CCN6: variants seen among roughly 807,000 people sequenced by gnomAD.
CCN6 encodes the protein CCN family member 6.
In CCN6, 31 loss-of-function variants were observed where a neutral mutation model predicts 37.4. The ratio of observed to expected loss-of-function variants is 0.83; its 90% CI spans 0.62 to 1.12. The LOEUF (loss-of-function observed/expected upper bound fraction) is 1.12, where lower values mean the gene tolerates loss of function less well. Among genes scored for constraint, CCN6 ranks in the 50% most tolerant of loss-of-function variants. The probability of loss-of-function intolerance (pLI) is 0.00; values close to 1 mark genes in which losing one functional copy is unlikely to be tolerated. For missense variants in CCN6, 369 were observed against 413.8 expected, an observed-to-expected ratio of 0.89 and a Z score of 0.94; for synonymous variants, 137 against 142.1, an observed-to-expected ratio of 0.96 and a Z score of 0.26.
Position 112,061,207 on chromosome 6 carries a change from G to A in CCN6, c.265G>A (p.Ala89Thr). 1 of 1,614,204 alleles carries A rather than the reference G, an allele frequency of 6.2e-7. No individual in the cohort carries two copies. The highest frequency in any genetic ancestry group is 1.3e-5 in the African/African-American group (1 of 75,050). Residue 89 changes from alanine (A) to threonine (T), a missense_variant, in exon 2 of 5, where the codon GCT becomes ACT. Physicochemically the swap from Ala to Thr is moderately conservative, Grantham distance 58. Transcript: ENST00000368666. The stretch of plus-strand genomic sequence containing the variant: ...GCAACCAGGGGAAATCTGCAATGAA[G>A]CTGACCTCTGTGACCCACACAAAGG... Reference protein sequence around the residue: ...AKQPGEICNEADLCDPHKGLY... With the variant: ...AKQPGEICNETDLCDPHKGLY...
At position 112,054,137 on chromosome 6, in the gene CCN6, A is replaced by G; in HGVS notation, c.-221A>G. 1.4e-6 allele frequency: 1 copy of G among 739,000 alleles called. No individual in the cohort carries two copies. Among genetic ancestry groups the G allele is most frequent in the East Asian group, 2.6e-5 (1 of 38,986 alleles). 45.8% of individuals were successfully genotyped at this position (739,000 alleles called of 1,614,324 possible). A position where few individuals can be genotyped will look rare whatever the true frequency, so the allele number is the denominator to read the frequency against. ...CCTGTGACACGCTCACTGCGAAGGCAGGTTATTAGAAGAGTCCCATGAAAG... is the reference window on the plus strand; with the variant it reads ...CCTGTGACACGCTCACTGCGAAGGCGGGTTATTAGAAGAGTCCCATGAAAG... On this transcript the variant is annotated 5_prime_UTR_variant, in exon 1 of 5. Coordinates refer to ENST00000368666, the MANE Select transcript of CCN6 (RefSeq NM_198239.2).
At chr6:112,059,345 C>T (rs1554312323) in intron 1 of CCN6, among the ~76,000 whole-genome samples, 1 of 152,180 alleles carries the variant, frequency 6.6e-6, no homozygotes, top group Non-Finnish European at 1.5e-5. Flanking sequence ...ATGGGTCTTA[C>T]AGGGCTAAAA....
chr6:112,060,105 G>A (rs2114441933), intron 1 of CCN6: 2 of 1,358,130 alleles, frequency 1.5e-6, no homozygotes, highest in South Asian at 2.3e-5. Flanking sequence ...GAGTGGCAGT[G>A]GGCAAAGTAA....
chr6:112,065,108 A>G, intron 3 of CCN6, 111 bp downstream of exon 3: 1 of 1,526,402 alleles, frequency 6.6e-7, no homozygotes, highest in Non-Finnish European at 9.0e-7. Context: ...GGTCAGAGTG[A>G]GATATAGTTT....
intron 1 of CCN6, chr6:112,059,944 A>C (rs899343526): frequency 2.5e-5 from 33 of 1,335,022 alleles, no homozygotes; most frequent in Non-Finnish European, 3.3e-5. Context: ...GCCCTTTCAC[A>C]AAGAGTGGTC....
intron 2 of CCN6, among the ~76,000 whole-genome samples, chr6:112,064,190 G>A (rs1776609547): frequency 6.6e-6 from 1 of 152,158 alleles, no homozygotes; most frequent in African/African-American, 2.4e-5. Context: ...TTGGAAAAGA[G>A]TTTTGACCTT....
intron 3 of CCN6, 136 bp from the exon 4 acceptor site, chr6:112,068,069 C>A: frequency 1.4e-6 from 1 of 716,366 alleles, no homozygotes; most frequent in Non-Finnish European, 2.1e-6. Context: ...ATAAATTAGA[C>A]CATCGGCTTC....
chr6:112,067,164 T>G, intron 3 of CCN6: 2 of 583,074 alleles, frequency 3.4e-6, no homozygotes, highest in East Asian at 1.1e-4. Context: ...CTATTTCCTA[T>G]GAAGAAGGCT....
At chr6:112,069,177 A>C (rs1428627154) in intron 4 of CCN6, among the ~76,000 whole-genome samples, 162 bp from the exon 5 acceptor site, 1 of 152,188 alleles carries the variant, frequency 6.6e-6, no homozygotes, top group Non-Finnish European at 1.5e-5. Flanking sequence ...GACCTCTGAT[A>C]AGAAGGGGAT....
At chr6:112,053,237 A>G (rs1776255831), upstream of CCN6, among the ~76,000 whole-genome samples, 1 of 152,044 alleles carries the variant, frequency 6.6e-6, no homozygotes, top group Non-Finnish European at 1.5e-5. Context: ...TGGTGGTCAC[A>G]CCTTTCAGGG....
intron 1 of CCN6, chr6:112,059,862 A>C: frequency 9.0e-7 from 1 of 1,106,840 alleles, no homozygotes; most frequent in Non-Finnish European, 1.2e-6. Context: ...CAGGTATCAG[A>C]AAGTAAACAA....
chr6:112,065,098 G>A (rs1331437997), intron 3 of CCN6, 101 bp downstream of exon 3: 3 of 1,561,358 alleles, frequency 1.9e-6, no homozygotes, highest in Non-Finnish European at 2.6e-6. Context: ...GTTGATTGGT[G>A]GTCAGAGTGA....
At chr6:112,065,595 CACACAA>C (rs1270853715) in intron 3 of CCN6, among the ~76,000 whole-genome samples, 65 of 85,220 alleles carry the variant, frequency 7.6e-4, no homozygotes, top group African/African-American at 1.2e-3. Flanking sequence ...CACGCACACA[CACACAA>C]ACACACACGC....
At chr6:112,058,890 G>A (rs2114437871) in intron 1 of CCN6, among the ~76,000 whole-genome samples, 1 of 152,330 alleles carries the variant, frequency 6.6e-6, no homozygotes, top group Admixed American at 6.5e-5. Context: ...GACCTGAGTG[G>A]ATGGTGACGC....
intron 1 of CCN6, among the ~76,000 whole-genome samples, chr6:112,056,480 C>T (rs1776351334): frequency 6.6e-6 from 1 of 151,892 alleles, no homozygotes; most frequent in South Asian, 2.1e-4. Flanking sequence ...TATTGTACTT[C>T]TGTATGTAAT....
intron 2 of CCN6, 28 bp downstream of exon 2, chr6:112,061,316 A>G (rs1554312836): frequency 6.2e-7 from 1 of 1,613,806 alleles, no homozygotes; most frequent in African/African-American, 1.3e-5. Flanking sequence ...GACCTGCTGG[A>G]AAAGATTGAG....
At chr6:112,067,574 C>T (rs1317904457) in intron 3 of CCN6, among the ~76,000 whole-genome samples, 1 of 151,984 alleles carries the variant, frequency 6.6e-6, no homozygotes, top group East Asian at 1.9e-4. Flanking sequence ...GTACTTTGGG[C>T]CTAAGAACAT....
chr6:112,061,987 A>T (rs1776539025), intron 2 of CCN6, among the ~76,000 whole-genome samples: 1 of 152,218 alleles, frequency 6.6e-6, no homozygotes, highest in East Asian at 1.9e-4. Context: ...AAGGCAAATT[A>T]CTATCAGAAG....
Position 112,068,290 on chromosome 6 carries a change from G to A in CCN6, c.675G>A (p.Met225Ile). The A allele has an allele frequency of 6.2e-7, 1 of 1,613,200 alleles. No homozygotes were observed. The highest frequency in any genetic ancestry group is 8.5e-7 in the Non-Finnish European group (1 of 1,179,624). The change falls in exon 4 of 5, where the codon ATG (methionine) becomes ATA (isoleucine). Residue 225 changes from methionine to isoleucine, a missense_variant. Met to Ile is a conservative substitution (Grantham distance 10). Coordinates refer to ENST00000368666, the MANE Select transcript of CCN6 (RefSeq NM_198239.2). ...KWTPCSRTCG[M>I]GISNRVTNEN... is the part of the protein sequence containing the mutation. ...CTCCCTGCTCCAGAACATGTGGGAT[G>A]GGAATATCTAACAGGGTGACCAATG...
Sources: allele counts gnomAD v4.1 joint callset (sites outside exome capture counted in the v4.1 genomes callset), GRCh38; gene constraint gnomAD v4.1.1; transcripts MANE v1.5; gene names NCBI Gene and HGNC (gene_info 2026-07-23, HGNC 2026-07-21).